Variants in IL1RAPL2 observed in about 807,000 individuals in gnomAD.
IL1RAPL2 encodes the protein interleukin 1 receptor accessory protein like 2, also known as X-linked interleukin-1 receptor accessory protein-like 2.
In IL1RAPL2, 3 loss-of-function variants were observed where a neutral mutation model predicts 44.1. The ratio of observed to expected loss-of-function variants is 0.07; its 90% CI spans 0.03 to 0.18. The LOEUF is 0.18. Among genes scored for constraint, IL1RAPL2 ranks in the 10% least tolerant of loss-of-function variants. The pLI is 1.00. For synonymous variants in IL1RAPL2, 181 were observed against 178.8 expected (o/e 1.01, Z -0.10); for missense variants, 391 against 496.4 (o/e 0.79, Z 2.02).
chrX:105,043,318 G>T (rs2031784682), intron 2 of IL1RAPL2, among the ~76,000 whole-genome samples: 1 of 110,778 alleles, frequency 9.0e-6, no homozygotes, highest in South Asian at 3.9e-4. Flanking sequence ...ATCTGACCCT[G>T]CTAAACCACT....
chrX:105,464,826 G>T (rs762769114), intron 5 of IL1RAPL2, among the ~76,000 whole-genome samples: 1 of 110,779 alleles, frequency 9.0e-6, no homozygotes, highest in Non-Finnish European at 1.9e-5. Context: ...ACCAGCCCTG[G>T]ACAAGACATG....
intron 6 of IL1RAPL2, among the ~76,000 whole-genome samples, chrX:105,616,956 C>G (rs1167480579): frequency 9.1e-6 from 1 of 109,843 alleles, no homozygotes; most frequent in Non-Finnish European, 1.9e-5. Context: ...GTGGCACTAC[C>G]GTGACCCTGG....
chrX:104,669,254 C>G (rs1439770779), intron 2 of IL1RAPL2, among the ~76,000 whole-genome samples: 1 of 111,671 alleles, frequency 9.0e-6, no homozygotes, highest in African/African-American at 3.3e-5. Flanking sequence ...CCAATCCAGA[C>G]TGATACACTG....
chrX:105,387,458 C>T (rs1349225660), intron 5 of IL1RAPL2, among the ~76,000 whole-genome samples: 1 of 110,265 alleles, frequency 9.1e-6, no homozygotes, highest in Non-Finnish European at 1.9e-5. Context: ...TGGTCTCGAA[C>T]TCTTGACCTG....
At chrX:104,865,918 T>A (rs1204079277) in intron 2 of IL1RAPL2, among the ~76,000 whole-genome samples, 2 of 112,298 alleles carry the variant, frequency 1.8e-5, no homozygotes, top group African/African-American at 6.5e-5. Flanking sequence ...CACCTTGTGA[T>A]CCTGTCAGTC....
intron 5 of IL1RAPL2, among the ~76,000 whole-genome samples, chrX:105,438,176 T>A (rs1031437853): frequency 6.3e-5 from 7 of 111,925 alleles, no homozygotes; most frequent in African/African-American, 2.3e-4. Flanking sequence ...CCTCTGCCTG[T>A]TCCCTCTAAC....
intron 5 of IL1RAPL2, among the ~76,000 whole-genome samples, chrX:105,437,048 T>C (rs1332769132): frequency 1.3e-4 from 14 of 104,882 alleles, no homozygotes; most frequent in African/African-American, 2.5e-4. Context: ...TATATATATA[T>C]ACCATATTTA....
intron 2 of IL1RAPL2, among the ~76,000 whole-genome samples, chrX:105,103,644 C>A (rs2032700030): frequency 8.9e-6 from 1 of 111,808 alleles, no homozygotes; most frequent in South Asian, 3.8e-4. Context: ...CCTATGGATA[C>A]ATAAATATGT....
chrX:105,058,467 C>A (rs2032027570), intron 2 of IL1RAPL2, among the ~76,000 whole-genome samples: 1 of 112,059 alleles, frequency 8.9e-6, no homozygotes, highest in Admixed American at 9.5e-5. Context: ...GTTTCTCAAA[C>A]AAATTTTAGC....
At chrX:105,270,832 C>G (rs911545128) in intron 5 of IL1RAPL2, among the ~76,000 whole-genome samples, 1 of 111,609 alleles carries the variant, frequency 9.0e-6, no homozygotes, top group Non-Finnish European at 1.9e-5. Flanking sequence ...TTGGGTTTAG[C>G]ATGGGATAAG....
chrX:105,219,367 T>C (rs1556174181), intron 3 of IL1RAPL2: 1 of 1,211,046 alleles, frequency 8.3e-7, no homozygotes, highest in Admixed American at 2.2e-5. Context: ...TCCAGAGAAA[T>C]AAGATGTGGC....
intron 2 of IL1RAPL2, among the ~76,000 whole-genome samples, chrX:105,074,682 G>A (rs1433272288): frequency 1.9e-5 from 2 of 106,701 alleles, no homozygotes; most frequent in Non-Finnish European, 1.9e-5. Context: ...AGCATGGAAT[G>A]TTCTTCCATT....
intron 2 of IL1RAPL2, among the ~76,000 whole-genome samples, chrX:105,167,726 G>C (rs1361571225): frequency 9.4e-6 from 1 of 106,696 alleles, no homozygotes; most frequent in African/African-American, 3.4e-5. Flanking sequence ...GTCTTCAGGA[G>C]AGGCAGGGAA....
chrX:104,597,559 T>C (rs1928791061), intron 1 of IL1RAPL2, among the ~76,000 whole-genome samples: 1 of 111,483 alleles, frequency 9.0e-6, no homozygotes, highest in Non-Finnish European at 1.9e-5. Flanking sequence ...ATGACTGATT[T>C]GGATATATGC....
At chrX:104,824,526 T>G (rs1921398831) in intron 2 of IL1RAPL2, among the ~76,000 whole-genome samples, 1 of 111,936 alleles carries the variant, frequency 8.9e-6, no homozygotes, top group Admixed American at 9.5e-5. Context: ...CTGGGCTTTT[T>G]TGGTTGGTAG....
At chrX:105,295,756 TA>T (rs200610231) in intron 5 of IL1RAPL2, among the ~76,000 whole-genome samples, 1 of 111,505 alleles carries the variant, frequency 9.0e-6, no homozygotes, top group Non-Finnish European at 1.9e-5. Flanking sequence ...TGGCTTGTGG[TA>T]AAAAAAATAA....
At chrX:105,349,746 T>C (rs1288749995) in intron 5 of IL1RAPL2, among the ~76,000 whole-genome samples, 1 of 111,998 alleles carries the variant, frequency 8.9e-6, no homozygotes, top group African/African-American at 3.2e-5. Flanking sequence ...AACATATGCT[T>C]CCTCTTCATA....
At position 105,329,270 on chromosome X, in the gene IL1RAPL2, T is replaced by G. The variant is rs1462984118; in HGVS notation, c.697+61729T>G. On this transcript the variant is annotated intron_variant, in intron 5 of 10. Transcript: ENST00000372582. ...ATGCATAGTGTTAAATACAAATGAG[T>G]AGAACATGAGAATTGGGAGAAATCT... is the stretch of plus-strand genomic sequence containing the variant. Among the ~76,000 whole-genome samples, 3 of 111,447 alleles carry G rather than the reference T, an allele frequency of 2.7e-5. No individual in the cohort carries two copies. In the East Asian group the frequency reaches 8.5e-4, roughly 32 times the overall value.
At chrX:104,849,939 A>G (rs1349935209) in intron 2 of IL1RAPL2, among the ~76,000 whole-genome samples, 1 of 111,290 alleles carries the variant, frequency 9.0e-6, no homozygotes, top group African/African-American at 3.3e-5. Context: ...ACTAGATACA[A>G]TACATGTACC....
Sources: allele counts gnomAD v4.1 joint callset (sites outside exome capture counted in the v4.1 genomes callset), GRCh38; gene constraint gnomAD v4.1.1; transcripts MANE v1.5; gene names NCBI Gene and HGNC (gene_info 2026-07-23, HGNC 2026-07-21).